YME1L1: variants seen among roughly 807,000 people sequenced by gnomAD.
The protein encoded by YME1L1 is ATP-dependent zinc metalloprotease YME1L1.
YME1L1 carries 39 observed loss-of-function variants against 90.4 expected under a neutral mutation model. The ratio of observed to expected loss-of-function variants is 0.43; its 90% CI spans 0.33 to 0.56. The LOEUF (loss-of-function observed/expected upper bound fraction) is 0.56. YME1L1 is among the 20% of genes least tolerant of loss of function. The pLI is 0.03. For synonymous variants in YME1L1, 284 were observed against 287.3 expected (o/e 0.99, Z 0.12); for missense variants, 617 against 868.4 (o/e 0.71, Z 3.64).
Position 27,119,279 on chromosome 10 carries a change from A to G in YME1L1, c.1567+15T>C. 5 of 1,578,740 alleles carry G rather than the reference A, an allele frequency of 3.2e-6. No homozygotes were observed. The highest frequency in any genetic ancestry group is 1.7e-4 in the Middle Eastern group (1 of 5,840). ...ATGAAAAGTAAAAGACAGAAAAAAA[A>G]GAAAGGAAACCTACCCATTAGAATT... On this transcript the variant is annotated intron_variant, in intron 14 of 18. Coordinates refer to ENST00000376016, the MANE Select transcript of YME1L1 (RefSeq NM_014263.4).
At chr10:27,129,118 CA>C in intron 8 of YME1L1, 1 of 130,050 alleles carries the variant, frequency 7.7e-6, no homozygotes, top group Non-Finnish European at 1.6e-5. Context: ...AAAAAACTCT[CA>C]TTCCAAAAGA....
chr10:27,141,358 G>T (rs1264995367), intron 4 of YME1L1, among the ~76,000 whole-genome samples: 1 of 152,052 alleles, frequency 6.6e-6, no homozygotes, highest in Non-Finnish European at 1.5e-5. Flanking sequence ...GTCACAAGAG[G>T]AAAACTCCAT....
At chr10:27,137,290 C>T (rs949482726) in intron 4 of YME1L1, among the ~76,000 whole-genome samples, 2 of 152,096 alleles carry the variant, frequency 1.3e-5, no homozygotes, top group African/African-American at 4.8e-5. Flanking sequence ...TTTCATTTTT[C>T]GTGCATATTT....
At chr10:27,134,172 A>G (rs373493858) in intron 6 of YME1L1, 50 bp from the exon 7 acceptor site, 6 of 1,350,634 alleles carry the variant, frequency 4.4e-6, no homozygotes, top group Non-Finnish European at 6.2e-6. Flanking sequence ...ATGAAATATG[A>G]CAGCTCAATG....
intron 8 of YME1L1, chr10:27,129,405 A>G (rs1404067369): frequency 2.6e-5 from 4 of 152,226 alleles, no homozygotes; most frequent in Non-Finnish European, 5.9e-5. Flanking sequence ...TATCATAATG[A>G]TTCCCAATGC....
chr10:27,125,364 A>G (rs911889168), intron 9 of YME1L1, among the ~76,000 whole-genome samples: 29 of 150,522 alleles, frequency 1.9e-4, no homozygotes, highest in Non-Finnish European at 3.4e-4. Flanking sequence ...ATAAATAATT[A>G]GGCAAGTACT....
At chr10:27,149,976 A>G (rs1330852283) in intron 1 of YME1L1, among the ~76,000 whole-genome samples, 1 of 151,798 alleles carries the variant, frequency 6.6e-6, no homozygotes, top group Non-Finnish European at 1.5e-5. Flanking sequence ...CTTGGGAGGC[A>G]GAGGCAGGAG....
intron 4 of YME1L1, among the ~76,000 whole-genome samples, chr10:27,140,514 C>T (rs2057076203): frequency 6.6e-6 from 1 of 152,142 alleles, no homozygotes; most frequent in Non-Finnish European, 1.5e-5. Flanking sequence ...GAGTCTCGCT[C>T]TGTTGCCAGG....
At chr10:27,125,458 G>GGAAAAAAAAAAAAA (rs534522674) in intron 9 of YME1L1, among the ~76,000 whole-genome samples, 2 of 107,704 alleles carry the variant, frequency 1.9e-5, no homozygotes, top group African/African-American at 7.1e-5. Flanking sequence ...TGTTTCATTT[G>GGAAAAAAAAAAAAA]AAAAAAAAAA....
Position 27,110,913 on chromosome 10 carries a change from G to C in YME1L1, c.*1064C>G, listed in dbSNP as rs988230697. 29 of 151,998 alleles carry C rather than the reference G, an allele frequency of 1.9e-4. No homozygotes were observed. The highest frequency in any genetic ancestry group is 7.0e-4 in the African/African-American group (29 of 41,366). 9.4% of individuals were successfully genotyped at this position (151,998 alleles called of 1,614,324 possible). A position where few individuals can be genotyped will look rare whatever the true frequency, so the allele number is the denominator to read the frequency against. ...GACAGAGTCTCACTCTGTCACCCAG[G>C]CTGGAGTGCAGTGGCTCCTGTGATC... On this transcript the variant is annotated 3_prime_UTR_variant, in exon 19 of 19. Transcript: ENST00000376016.
chr10:27,140,565 G>A (rs762785350), intron 4 of YME1L1, among the ~76,000 whole-genome samples: 9 of 151,876 alleles, frequency 5.9e-5, no homozygotes, highest in South Asian at 4.2e-4. Flanking sequence ...TGCAACCTCC[G>A]CCTCCTGGGT....
intron 7 of YME1L1, among the ~76,000 whole-genome samples, chr10:27,132,540 G>A (rs2056987692): frequency 6.6e-6 from 1 of 151,740 alleles, no homozygotes; most frequent in African/African-American, 2.4e-5. Flanking sequence ...AAATAATAAA[G>A]ACTGGGCGTG....
At chr10:27,148,854 G>C in intron 2 of YME1L1, 52 bp downstream of exon 2, 2 of 1,603,556 alleles carry the variant, frequency 1.2e-6, no homozygotes, top group East Asian at 2.2e-5. Flanking sequence ...TTTGTTTAAG[G>C]GTCAACTGTA....
chr10:27,137,925 CTG>C (rs748960700), intron 4 of YME1L1, among the ~76,000 whole-genome samples: 7 of 152,060 alleles, frequency 4.6e-5, no homozygotes, highest in Non-Finnish European at 1.0e-4. Flanking sequence ...CATACCTTTG[CTG>C]TGTTTTCTGC....
At chr10:27,113,329 G>GT (rs1375617787) in intron 18 of YME1L1, among the ~76,000 whole-genome samples, 1 of 144,742 alleles carries the variant, frequency 6.9e-6, no homozygotes, top group Non-Finnish European at 1.5e-5. Context: ...TCTCCACTAA[G>GT]TTCCCACATC....
At chr10:27,130,490 T>C (rs1019837955) in intron 8 of YME1L1, among the ~76,000 whole-genome samples, 1 of 152,212 alleles carries the variant, frequency 6.6e-6, no homozygotes, top group African/African-American at 2.4e-5. Flanking sequence ...TTCATTCGTA[T>C]CTCTCACACT....
In YME1L1 at chr10:27,113,250, A is replaced by T. The variant is rs1233240514; in HGVS notation, c.2008-1130T>A. 2.3e-3 allele frequency among the ~76,000 whole-genome samples: 236 copies of T among 103,002 alleles called. 8 individuals are homozygous for T. The highest frequency in any genetic ancestry group is 7.0e-3 in the African/African-American group (219 of 31,192). The allele number at this position is 103,002 out of a possible 152,430, so 67.6% of individuals were successfully genotyped here. ...AAAAAAAAAAAAAAAAAAAAAAAAA[A>T]AAAAAAAAAAAAAGACCTGCCTTCA... On this transcript the variant is annotated intron_variant, in intron 18 of 18. Coordinates refer to ENST00000376016, the MANE Select transcript of YME1L1 (RefSeq NM_014263.4).
rs548743783 is a variant in YME1L1, at chr10:27,144,997, C to T, written c.331+431G>A. ...TCTACTAAAAATACAAAAAATTAGC[C>T]GGGCGTGGTGGCGGGCGCCTGTAGT... On this transcript the variant is annotated intron_variant, in intron 3 of 18. Transcript: ENST00000376016. Among the ~76,000 whole-genome samples the T allele has an allele frequency of 1.1e-4, 16 of 152,136 alleles. 1 individual carries two copies. The highest frequency in any genetic ancestry group is 3.9e-4 in the East Asian group (2 of 5,168).
chr10:27,140,530 G>T (rs2057076423), intron 4 of YME1L1, among the ~76,000 whole-genome samples: 1 of 152,252 alleles, frequency 6.6e-6, no homozygotes, highest in East Asian at 1.9e-4. Flanking sequence ...CCAGGCTGGA[G>T]TTCAGTGGCG....
Sources: gnomAD v4.1 joint callset for allele counts (sites outside exome capture counted in the v4.1 genomes callset) on GRCh38, gnomAD v4.1.1 for gene constraint, MANE v1.5 for transcripts, NCBI Gene and HGNC (gene_info 2026-07-23, HGNC 2026-07-21) for gene names.